Variants in ABTB3 observed in about 807,000 individuals in gnomAD.
ABTB3 encodes the protein ankyrin repeat and BTB domain containing 3, also known as ankyrin repeat- and BTB/POZ domain-containing protein 3.
chr12:107,415,362 G>A, the ABTB3 span, among the ~76,000 whole-genome samples: 1 of 152,118 alleles, frequency 6.6e-6, no homozygotes, highest in African/African-American at 2.4e-5. Flanking sequence ...CTCCAGCAGA[G>A]AAGAACAGTG....
At chr12:107,520,695 A>T in the ABTB3 span, 1 of 1,594,912 alleles carries the variant, frequency 6.3e-7, no homozygotes, top group Non-Finnish European at 8.6e-7. Flanking sequence ...TCTGTGCCCG[A>T]AGTGACACAA....
the ABTB3 span, among the ~76,000 whole-genome samples, chr12:107,576,942 A>G: frequency 4.6e-5 from 7 of 152,024 alleles, no homozygotes; most frequent in African/African-American, 1.2e-4. Context: ...TCTTCTCTCC[A>G]TCTTCCCTAG....
the ABTB3 span, among the ~76,000 whole-genome samples, chr12:107,485,392 G>C: frequency 1.3e-5 from 2 of 152,160 alleles, no homozygotes; most frequent in African/African-American, 4.8e-5. Context: ...TAGGCAGTTT[G>C]GGTTGTAAGT....
chr12:107,649,198 T>A, the ABTB3 span: 705 of 1,610,152 alleles, frequency 4.4e-4, 4 homozygotes, highest in Middle Eastern at 1.5e-3. Context: ...CTCTGTGTTT[T>A]CTTCCAGCTG....
the ABTB3 span, chr12:107,651,806 G>A: frequency 1.4e-5 from 23 of 1,598,262 alleles, no homozygotes; most frequent in South Asian, 6.6e-5. Context: ...TCTCATTCTC[G>A]CGCAGTGCGC....
At chr12:107,583,780 A>C in the ABTB3 span, among the ~76,000 whole-genome samples, 1 of 152,222 alleles carries the variant, frequency 6.6e-6, no homozygotes, top group South Asian at 2.1e-4. Context: ...TCAGGATGTG[A>C]ATGTGATGTG....
At chr12:107,556,585 G>A in the ABTB3 span, among the ~76,000 whole-genome samples, 2 of 152,210 alleles carry the variant, frequency 1.3e-5, no homozygotes, top group African/African-American at 4.8e-5. Context: ...GGGCAGAAGA[G>A]TCTGTGTGAA....
chr12:107,447,960 A>G, the ABTB3 span, among the ~76,000 whole-genome samples: 3 of 152,164 alleles, frequency 2.0e-5, no homozygotes, highest in African/African-American at 7.2e-5. Context: ...CTCTCCTTCC[A>G]AATGTTTACG....
the ABTB3 span, among the ~76,000 whole-genome samples, chr12:107,623,746 T>C: frequency 6.6e-6 from 1 of 152,174 alleles, no homozygotes; most frequent in African/African-American, 2.4e-5. Context: ...TTCCAGGCAC[T>C]ACAGTGGTGA....
At chr12:107,627,413 G>A in the ABTB3 span, among the ~76,000 whole-genome samples, 12 of 152,178 alleles carry the variant, frequency 7.9e-5, no homozygotes, top group Non-Finnish European at 1.2e-4. Flanking sequence ...TCAGCTCCTG[G>A]GAAGCAGGTA....
At chr12:107,612,948 C>A in the ABTB3 span, 1 of 1,340,842 alleles carries the variant, frequency 7.5e-7, no homozygotes, top group Non-Finnish European at 1.0e-6. Context: ...GGCTTTTTCT[C>A]CCAAGAGCTG....
the ABTB3 span, among the ~76,000 whole-genome samples, chr12:107,481,546 C>T: frequency 6.6e-6 from 1 of 152,110 alleles, no homozygotes; most frequent in East Asian, 1.9e-4. Flanking sequence ...ACCTATAGCT[C>T]ACCCCCATAT....
At chr12:107,357,256 C>G in the ABTB3 span, among the ~76,000 whole-genome samples, 1 of 152,196 alleles carries the variant, frequency 6.6e-6, no homozygotes, top group Non-Finnish European at 1.5e-5. Flanking sequence ...CCACCTCCAC[C>G]AACTGCTCCG....
At chr12:107,659,135 T>G in the ABTB3 span, 1 of 152,220 alleles carries the variant, frequency 6.6e-6, no homozygotes, top group African/African-American at 2.4e-5. Flanking sequence ...TAAACCTATT[T>G]CCTAGCATGC....
the ABTB3 span, chr12:107,544,019 A>C: frequency 6.2e-7 from 1 of 1,614,000 alleles, no homozygotes; most frequent in Non-Finnish European, 8.5e-7. Flanking sequence ...CACCACAAGC[A>C]GGGGGCACTG....
At chr12:107,522,722 T>G in the ABTB3 span, among the ~76,000 whole-genome samples, 4 of 120,770 alleles carry the variant, frequency 3.3e-5, no homozygotes, top group East Asian at 2.5e-4. Context: ...GGTTGGGAAA[T>G]GGGAAAAGGA....
chr12:107,602,507 A>G, the ABTB3 span, among the ~76,000 whole-genome samples: 1 of 152,252 alleles, frequency 6.6e-6, no homozygotes, highest in Non-Finnish European at 1.5e-5. Context: ...TAAGCGCTAT[A>G]CACGAATTAT....
At chr12:107,516,317 G>A in the ABTB3 span, among the ~76,000 whole-genome samples, 1 of 151,448 alleles carries the variant, frequency 6.6e-6, no homozygotes, top group Admixed American at 6.6e-5. Flanking sequence ...TGCAACCTCC[G>A]CCTCCCGAGT....
the ABTB3 span, among the ~76,000 whole-genome samples, chr12:107,539,325 A>G: frequency 1.1e-4 from 17 of 151,874 alleles, no homozygotes; most frequent in African/African-American, 3.9e-4. Flanking sequence ...CCCAACTTTC[A>G]CTGATTGGGA....
Sources: allele counts gnomAD v4.1 joint callset (sites outside exome capture counted in the v4.1 genomes callset), GRCh38; gene constraint gnomAD v4.1.1; transcripts MANE v1.5; gene names NCBI Gene and HGNC (gene_info 2026-07-23, HGNC 2026-07-21).